Variants in NFE2L2 observed in about 807,000 individuals in gnomAD.
The protein encoded by NFE2L2 is NFE2 like bZIP transcription factor 2.
A neutral mutation model predicts 49.6 loss-of-function variants in NFE2L2; 20 were observed. The observed-to-expected ratio is 0.40, with a 90% CI of 0.28 to 0.59. The LOEUF (loss-of-function observed/expected upper bound fraction) is 0.59. NFE2L2 is among the 20% of genes least tolerant of loss of function. The probability of loss-of-function intolerance (pLI) is 0.40; values close to 1 mark genes in which losing one functional copy is unlikely to be tolerated. For synonymous variants in NFE2L2, 244 were observed against 256.5 expected, an observed-to-expected ratio of 0.95 and a Z score of 0.47; for missense variants, 578 against 714.2, an observed-to-expected ratio of 0.81 and a Z score of 2.17.
intron 1 of NFE2L2, among the ~76,000 whole-genome samples, chr2:177,249,217 CATAAATAAATAA>C (rs71007982): frequency 0.057 from 8,339 of 146,030 alleles, 315 homozygotes; most frequent in Non-Finnish European, 0.083. Context: ...ACCCGGTCTC[CATAAATAAATAA>C]ATAAATAAAT....
chr2:177,258,888 C>T (rs1272609070), intron 1 of NFE2L2, among the ~76,000 whole-genome samples: 1 of 152,168 alleles, frequency 6.6e-6, no homozygotes, highest in African/African-American at 2.4e-5. Context: ...GCCCTAAAGT[C>T]TCAGTTCTCA....
chr2:177,260,193 T>C (rs978357928), intron 1 of NFE2L2, among the ~76,000 whole-genome samples: 1 of 152,232 alleles, frequency 6.6e-6, no homozygotes, highest in Non-Finnish European at 1.5e-5. Flanking sequence ...TTATAATGAA[T>C]ATACATTTCT....
rs547163129 is a variant in NFE2L2, at chr2:177,235,224, G to A, written c.46-953C>T. 4.6e-5 allele frequency among the ~76,000 whole-genome samples: 7 copies of A among 151,146 alleles called. No homozygotes were observed. The East Asian group carries it at 6.0e-4, about 13-fold the overall frequency. ...GTGGATTGCTTGAGCCCAGGAGTTC[G>A]CGACCAGCCTGGGCAACATGGAGAG... On this transcript the variant is annotated intron_variant, in intron 1 of 4. Coordinates refer to ENST00000397062, the MANE Select transcript of NFE2L2 (RefSeq NM_006164.5).
intron 1 of NFE2L2, among the ~76,000 whole-genome samples, chr2:177,236,889 A>G (rs1357116201): frequency 6.6e-6 from 1 of 151,748 alleles, no homozygotes; most frequent in Non-Finnish European, 1.5e-5. Flanking sequence ...TCATTTTGAG[A>G]TAGGGTCTCA....
intron 1 of NFE2L2, among the ~76,000 whole-genome samples, chr2:177,248,914 G>A (rs951767342): frequency 3.3e-5 from 5 of 152,146 alleles, no homozygotes; most frequent in Admixed American, 1.3e-4. Context: ...CAAAATTAGC[G>A]TGGGCCCCTA....
chr2:177,240,613 A>G (rs1425501213), intron 1 of NFE2L2, among the ~76,000 whole-genome samples: 1 of 152,226 alleles, frequency 6.6e-6, no homozygotes, highest in East Asian at 1.9e-4. Context: ...TAACAGAAAT[A>G]TTCATGTTTA....
intron 3 of NFE2L2, chr2:177,233,018 G>T: frequency 1.9e-6 from 1 of 518,998 alleles, no homozygotes; most frequent in Non-Finnish European, 3.3e-6. Flanking sequence ...CTATGCAATA[G>T]TCAATGGTTT....
chr2:177,240,687 T>TG (rs1432193061), intron 1 of NFE2L2, among the ~76,000 whole-genome samples: 2 of 152,212 alleles, frequency 1.3e-5, no homozygotes, highest in Non-Finnish European at 2.9e-5. Context: ...AATCTGAAGT[T>TG]GGACAATTAA....
intron 1 of NFE2L2, among the ~76,000 whole-genome samples, chr2:177,254,174 G>A (rs1405480025): frequency 6.6e-6 from 1 of 152,116 alleles, no homozygotes; most frequent in African/African-American, 2.4e-5. Context: ...GCAGCTGTAG[G>A]TCCGAGAAAT....
intron 1 of NFE2L2, among the ~76,000 whole-genome samples, chr2:177,242,805 T>C (rs569080862): frequency 6.6e-6 from 1 of 152,298 alleles, no homozygotes; most frequent in South Asian, 2.1e-4. Context: ...AAAAAGTTAA[T>C]TTCCAAAACA....
Position 177,262,802 on chromosome 2 carries a change from ATC to A in NFE2L2, c.45+1728_45+1729del, listed in dbSNP as rs376818213. ...AAACTAAAGTTCATTTTTATCATAT[ATC>A]CTTCAGTCAAACAAGCATTCCTATA... On this transcript the variant is annotated intron_variant, in intron 1 of 4. Coordinates refer to ENST00000397062, the MANE Select transcript of NFE2L2 (RefSeq NM_006164.5). Among the ~76,000 whole-genome samples the A allele has an allele frequency of 1.2e-3, 180 of 152,364 alleles. 1 individual carries two copies. The South Asian group carries it at 0.02, about 17-fold the overall frequency.
rs1689593013 is a variant in NFE2L2, at chr2:177,232,559, G to C, written c.427C>G (p.Leu143Val). The C allele has an allele frequency of 1.2e-6, 2 of 1,614,010 alleles. No homozygotes were observed. The highest frequency in any genetic ancestry group is 1.7e-6 in the Non-Finnish European group (2 of 1,179,910). Residue 143 changes from leucine (L) to valine (V), a missense_variant, in exon 4 of 5, where the codon CTT becomes GTT. By Grantham distance (32) the Leu-to-Val change is conservative. Around this residue, in one of 3 missense-constraint regions of NFE2L2, gnomAD observed 368 missense variants for 384.6 expected, o/e 0.96. Transcript: ENST00000397062. Reference protein sequence around the residue: ...NEVSSATFQSLVPDIPGHIES... With the variant: ...NEVSSATFQSVVPDIPGHIES... ...ATGTGACCGGGAATATCAGGAACAA[G>C]TGACTGAAACGTAGCCGAAGAAACC...
rs1251548653 is a variant in NFE2L2, at chr2:177,231,185, A to G, written c.1418T>C (p.Ile473Thr). 6.2e-7 allele frequency: 1 copy of G among 1,613,992 alleles called. No homozygotes were observed. Among genetic ancestry groups the G allele is most frequent in the East Asian group, 2.2e-5 (1 of 44,874 alleles). ...ALHIPFPVEKIINLPVVDFNE... is the reference protein window; with the variant it reads ...ALHIPFPVEKTINLPVVDFNE... ...GAAGTCAACAACAGGGAGGTTAATGATTTTTTCTACAGGGAATGGGATATG... is the reference window on the plus strand; with the variant it reads ...GAAGTCAACAACAGGGAGGTTAATGGTTTTTTCTACAGGGAATGGGATATG... The change falls in exon 5 of 5, where the codon ATC becomes ACC. Residue 473 changes from isoleucine (I) to threonine (T), a missense_variant. Transcript: ENST00000397062.
chr2:177,232,708 C>T (rs998337559), intron 3 of NFE2L2, 125 bp from the exon 4 acceptor site: 4 of 847,704 alleles, frequency 4.7e-6, no homozygotes, highest in Non-Finnish European at 7.2e-6. Context: ...ACTAACCAGT[C>T]ATGACCCCGT....
intron 1 of NFE2L2, among the ~76,000 whole-genome samples, chr2:177,243,972 A>T (rs997090734): frequency 2.6e-5 from 4 of 151,376 alleles, no homozygotes; most frequent in Non-Finnish European, 4.4e-5. Context: ...TAACAATATT[A>T]TTATATGTAT....
chr2:177,248,632 C>A (rs1351030499), intron 1 of NFE2L2, among the ~76,000 whole-genome samples: 15 of 152,218 alleles, frequency 9.9e-5, no homozygotes, highest in Non-Finnish European at 1.9e-4. Flanking sequence ...TGGTCTCGAT[C>A]TCCTCACCTT....
chr2:177,256,653 T>C (rs984771828), intron 1 of NFE2L2, among the ~76,000 whole-genome samples: 1 of 152,028 alleles, frequency 6.6e-6, no homozygotes, highest in Non-Finnish European at 1.5e-5. Flanking sequence ...CTAAGTAAAA[T>C]AACAGGATAC....
At chr2:177,232,072 T>G in intron 4 of NFE2L2, 64 bp from the exon 5 acceptor site, 1 of 1,430,224 alleles carries the variant, frequency 7.0e-7, no homozygotes, top group Non-Finnish European at 9.5e-7. Flanking sequence ...CGTGATAAAT[T>G]TAGATAAACT....
Position 177,264,542 on chromosome 2 carries a change from G to T in NFE2L2, c.35C>A (p.Pro12Gln), listed in dbSNP as rs771830842. The change falls in exon 1 of 5, where the codon CCG (proline) becomes CAG (glutamine). Residue 12 changes from proline (P) to glutamine (Q), a missense_variant. By Grantham distance (76) the Pro-to-Gln change is moderately conservative. Around this residue, in one of 3 missense-constraint regions of NFE2L2, gnomAD observed 93 missense variants for 153.9 expected, o/e 0.60. Coordinates refer to ENST00000397062, the MANE Select transcript of NFE2L2 (RefSeq NM_006164.5). The stretch of plus-strand genomic sequence containing the variant: ...GGGCCGAGGCAGCACCTGCTGGGAC[G>T]GGAGTCCCGGCGGCGGCAGCTCCAA... ...MDLELPPPGL[P>Q]SQQDMDLIDI... The T allele has an allele frequency of 1.3e-6, 2 of 1,522,462 alleles. No individual in the cohort carries two copies. The highest frequency in any genetic ancestry group is 1.8e-6 in the Non-Finnish European group (2 of 1,133,974). The allele number at this position is 1,522,462 out of a possible 1,614,324, so 94.3% of individuals were successfully genotyped here. A position where few individuals can be genotyped will look rare whatever the true frequency, so the allele number is the denominator to read the frequency against.
Sources: gnomAD v4.1 joint callset for allele counts (sites outside exome capture counted in the v4.1 genomes callset) on GRCh38, gnomAD v4.1.1 for gene constraint, gnomAD v4.1.1 regional missense constraint, MANE v1.5 for transcripts, NCBI Gene and HGNC (gene_info 2026-07-23, HGNC 2026-07-21) for gene names.